Variants in RNPEP observed in about 807,000 individuals in gnomAD.
RNPEP encodes the protein aminopeptidase B.
Under a neutral mutation model 70.1 loss-of-function variants are expected in RNPEP, and 57 were observed. The observed-to-expected ratio is 0.81, with a 90% CI of 0.66 to 1.01. The LOEUF (loss-of-function observed/expected upper bound fraction) is 1.01, where lower values mean the gene tolerates loss of function less well. Ranked by LOEUF, RNPEP falls within the 50% of genes least tolerant of loss-of-function variation. The pLI is 0.00. For synonymous variants in RNPEP, 335 were observed against 357.4 expected (o/e 0.94, Z 0.71); for missense variants, 787 against 852.4 (o/e 0.92, Z 0.96).
At chr1:201,984,476 G>A (rs964325177) in intron 1 of RNPEP, among the ~76,000 whole-genome samples, 4 of 152,182 alleles carry the variant, frequency 2.6e-5, no homozygotes, top group African/African-American at 9.7e-5. Flanking sequence ...GCTTTGAATA[G>A]AATGGGAGGC....
At position 201,982,933 on chromosome 1, in the gene RNPEP, GGCGGCGGCGCT is replaced by G. The variant is rs1202267069; in HGVS notation, c.275_285del (p.Ala92GlyfsTer93). 3 of 1,488,434 alleles carry G rather than the reference GGCGGCGGCGCT, an allele frequency of 2.0e-6. No homozygotes were observed. In the African/African-American group the frequency reaches 4.4e-5, roughly 22 times the overall value. 92.2% of individuals were successfully genotyped at this position (1,488,434 alleles called of 1,614,324 possible). On this transcript the variant is annotated frameshift_variant, in exon 1 of 11. Transcript: ENST00000295640. LOFTEE classifies it high-confidence loss of function. ...ACTCGCACCCGTGCCTGGAGGTGAC[GGCGGCGGCGCT>G]GCGGCGGGAGCGGCCCGGCTCGGAG...
rs542383516 is a variant in RNPEP, at chr1:202,003,020, G to A, written c.1427-217G>A. ...TGACAACACAGTGCTAATTTGGAGC[G>A]AAAAGCACTTTCACGGTCGAAACGG... is the stretch of plus-strand genomic sequence containing the variant. On this transcript the variant is annotated intron_variant, in intron 8 of 10. Coordinates refer to ENST00000295640, the MANE Select transcript of RNPEP (RefSeq NM_020216.4). The A allele has an allele frequency of 1.5e-5, 8 of 533,656 alleles. No homozygotes were observed. The East Asian group carries it at 1.6e-4, about 11-fold the overall frequency. The allele number at this position is 533,656 out of a possible 1,614,324, so 33.1% of individuals were successfully genotyped here.
In RNPEP at chr1:201,997,414, G is replaced by T. The variant is rs191005646; in HGVS notation, c.950G>T (p.Arg317Leu). Reference sequence around the variant, plus strand: ...ACCCCCTGCCTGCTAGCTGGGGACCGCTCCTTGGCAGATGTCATCATCCAT... The same window carrying T: ...ACCCCCTGCCTGCTAGCTGGGGACCTCTCCTTGGCAGATGTCATCATCCAT... ...FVTPCLLAGDRSLADVIIHEI... is the reference protein window; with the variant it reads ...FVTPCLLAGDLSLADVIIHEI... Residue 317 changes from arginine (R) to leucine (L), a missense_variant, in exon 5 of 11, where the codon CGC becomes CTC. By Grantham distance (102) the Arg-to-Leu change is moderately radical. Transcript: ENST00000295640. The T allele has an allele frequency of 1.9e-6, 3 of 1,614,108 alleles. No individual in the cohort carries two copies. The highest frequency in any genetic ancestry group is 1.3e-5 in the African/African-American group (1 of 75,010).
At chr1:201,989,103 A>G (rs1683232836) in intron 2 of RNPEP, 59 bp downstream of exon 2, 1 of 1,570,526 alleles carries the variant, frequency 6.4e-7, no homozygotes, top group Admixed American at 1.8e-5. Context: ...TTTCAGATCT[A>G]TCAATCAGGT....
In RNPEP at chr1:201,997,087, C is replaced by T. The variant is rs536938290; in HGVS notation, c.855-232C>T. Reference sequence around the variant, plus strand: ...GGGAAACAAATGCCTGGAGAGTGAGCTCCAGGAGAGCAGACACCACCTCGA... The same window carrying T: ...GGGAAACAAATGCCTGGAGAGTGAGTTCCAGGAGAGCAGACACCACCTCGA... On this transcript the variant is annotated intron_variant, in intron 4 of 10. Transcript: ENST00000295640. Among the ~76,000 whole-genome samples, 10 of 152,264 alleles carry T rather than the reference C, an allele frequency of 6.6e-5. No individual in the cohort carries two copies. In the South Asian group the frequency reaches 2.1e-3, roughly 32 times the overall value.
chr1:201,989,445 G>A lies in RNPEP; in HGVS notation c.651G>A (p.Lys217=), dbSNP rs779912562. The change falls in exon 3 of 11, where the codon AAG becomes AAA. Residue 217 remains lysine (K), a synonymous_variant. Transcript: ENST00000295640. ...ASTWEKRGPN[K]FFFQMCQPIP... ...CCTGGGAGAAGAGAGGTCCAAATAA[G>A]TTCTTCTTCCAGATGTGTCAGCCCA... 4 of 1,614,186 alleles carry A rather than the reference G, an allele frequency of 2.5e-6. No homozygotes were observed. In the South Asian group the frequency reaches 3.3e-5, roughly 13 times the overall value.
chr1:202,004,625 G>A, intron 10 of RNPEP, 129 bp downstream of exon 10: 1 of 1,111,998 alleles, frequency 9.0e-7, no homozygotes. Flanking sequence ...AATGACCTGA[G>A]GACCCTACCA....
At chr1:201,990,088 A>C (rs1001935206) in intron 3 of RNPEP, among the ~76,000 whole-genome samples, 2 of 151,872 alleles carry the variant, frequency 1.3e-5, no homozygotes, top group African/African-American at 2.4e-5. Context: ...CAGGTGATTC[A>C]CCCGCCTTGG....
At chr1:202,000,893 T>TAAAAA (rs35891956) in intron 6 of RNPEP, 110 of 134,342 alleles carry the variant, frequency 8.2e-4, no homozygotes, top group Middle Eastern at 3.8e-3. Flanking sequence ...GACTCCGTCT[T>TAAAAA]AAAAAAAAAA....
intron 8 of RNPEP, among the ~76,000 whole-genome samples, chr1:202,002,633 C>T (rs1476517070): frequency 6.6e-6 from 1 of 152,240 alleles, no homozygotes; most frequent in Non-Finnish European, 1.5e-5. Flanking sequence ...TTGGTCAGGA[C>T]TTTAGCAGCA....
intron 1 of RNPEP, among the ~76,000 whole-genome samples, chr1:201,984,828 T>TTTTTC (rs1683073691): frequency 8.0e-4 from 4 of 5,028 alleles, no homozygotes; most frequent in African/African-American, 1.6e-3. Flanking sequence ...TTTCTTTTTT[T>TTTTTC]TTTTTTTTTT....
intron 3 of RNPEP, among the ~76,000 whole-genome samples, chr1:201,992,574 C>T (rs745990017): frequency 1.3e-4 from 20 of 152,056 alleles, no homozygotes; most frequent in South Asian, 6.2e-4. Context: ...TCATGGCAGC[C>T]TCCCTTCCGG....
rs1682980255 is a variant in RNPEP at position 201,982,738 on chromosome 1, C to T, written c.72C>T (p.Asp24=). Residue 24 remains aspartate, a synonymous_variant, in exon 1 of 11, where the codon GAC becomes GAT. Transcript: ENST00000295640. ...CGCTGCACTCCGCGCAGGCTGTGGA[C>T]GTGGCCTCGGCCTCCAACTTCCGGG... ...RRPLHSAQAV[D]VASASNFRAF... is the part of the protein sequence containing the mutation. 7.2e-7 allele frequency: 1 copy of T among 1,387,126 alleles called. No homozygotes were observed. Among genetic ancestry groups the T allele is most frequent in the Non-Finnish European group, 9.4e-7 (1 of 1,069,402 alleles). The allele number at this position is 1,387,126 out of a possible 1,614,324, so 85.9% of individuals were successfully genotyped here. A position where few individuals can be genotyped will look rare whatever the true frequency, so the allele number is the denominator to read the frequency against.
chr1:201,994,485 G>T (rs1420718583), intron 3 of RNPEP, among the ~76,000 whole-genome samples: 1 of 151,916 alleles, frequency 6.6e-6, no homozygotes, highest in Non-Finnish European at 1.5e-5. Flanking sequence ...CAGACTCTCG[G>T]TGCTTCCTCA....
In RNPEP at chr1:201,982,968, A is replaced by AGGAGCCGCCTGC; in HGVS notation, c.309_320dup (p.Pro104_Pro107dup). 6.6e-7 allele frequency: 1 copy of AGGAGCCGCCTGC among 1,505,230 alleles called. No homozygotes were observed. The highest frequency in any genetic ancestry group is 2.3e-4 in the Middle Eastern group (1 of 4,308). 93.2% of individuals were successfully genotyped at this position (1,505,230 alleles called of 1,614,324 possible). On this transcript the variant is annotated inframe_insertion, in exon 1 of 11. Coordinates refer to ENST00000295640, the MANE Select transcript of RNPEP (RefSeq NM_020216.4). Reference sequence around the variant, plus strand: ...CTGCGGCGGGAGCGGCCCGGCTCGGAGGAGCCGCCTGCGGAGCCCGTGAGC... The same window carrying AGGAGCCGCCTGC: ...CTGCGGCGGGAGCGGCCCGGCTCGGAGGAGCCGCCTGCGGAGCCGCCTGCGGAGCCCGTGAGC...
intron 5 of RNPEP, among the ~76,000 whole-genome samples, chr1:201,998,859 A>C (rs1341627230): frequency 6.6e-6 from 1 of 152,052 alleles, no homozygotes; most frequent in Non-Finnish European, 1.5e-5. Context: ...GCAGAAGGAG[A>C]CTTAGAGATC....
At position 201,983,114 on chromosome 1, in the gene RNPEP, G is replaced by C; in HGVS notation, c.447+1G>C. The C allele has an allele frequency of 6.8e-7, 1 of 1,475,588 alleles. No individual in the cohort carries two copies. The highest frequency in any genetic ancestry group is 1.4e-5 in the South Asian group (1 of 72,508). The allele number at this position is 1,475,588 out of a possible 1,614,324, so 91.4% of individuals were successfully genotyped here. A position where few individuals can be genotyped will look rare whatever the true frequency, so the allele number is the denominator to read the frequency against. On this transcript the variant is annotated splice_donor_variant, in intron 1 of 10. Transcript: ENST00000295640. LOFTEE classifies it high-confidence loss of function. ...CTACCGCGTCGGGGAGGGACCCGGGGTGAGTGCGCCCCAGACTGCGCCCGC... is the reference window on the plus strand; with the variant it reads ...CTACCGCGTCGGGGAGGGACCCGGGCTGAGTGCGCCCCAGACTGCGCCCGC...
At chr1:202,005,349 G>A (rs532108154) in intron 10 of RNPEP, among the ~76,000 whole-genome samples, 22 of 152,154 alleles carry the variant, frequency 1.4e-4, no homozygotes, top group Admixed American at 3.3e-4. Flanking sequence ...ATTGGGACGC[G>A]TATTGAGATC....
intron 8 of RNPEP, among the ~76,000 whole-genome samples, chr1:202,002,059 C>G (rs1683839121): frequency 6.6e-6 from 1 of 152,170 alleles, no homozygotes. Context: ...CACCACTGCC[C>G]CAAGCTAAAA....
Sources: gnomAD v4.1 joint callset for allele counts (sites outside exome capture counted in the v4.1 genomes callset) on GRCh38, gnomAD v4.1.1 for gene constraint, MANE v1.5 for transcripts, NCBI Gene and HGNC (gene_info 2026-07-23, HGNC 2026-07-21) for gene names.